Variants in SPAG5 observed in about 807,000 individuals in gnomAD.
SPAG5 encodes the protein sperm associated antigen 5.
Under a neutral mutation model 145.4 loss-of-function variants are expected in SPAG5, and 99 were observed. The ratio of observed to expected loss-of-function variants is 0.68; its 90% CI spans 0.58 to 0.80. The LOEUF is 0.80. SPAG5 is among the 30% of genes least tolerant of loss of function. The pLI is 0.00. For missense variants in SPAG5, 1,192 were observed against 1,416.0 expected (o/e 0.84, Z 2.54); for synonymous variants, 477 against 525.4 (o/e 0.91, Z 1.26).
intron 3 of SPAG5, 35 bp from the exon 4 acceptor site, chr17:28,591,907 AAGGAGGG>A: frequency 6.2e-7 from 1 of 1,610,422 alleles, no homozygotes; most frequent in Non-Finnish European, 8.5e-7. Flanking sequence ...ACGAAAAGAA[AAGGAGGG>A]GAAGGGATGG....
chr17:28,583,745 A>G, intron 14 of SPAG5, 96 bp from the exon 15 acceptor site: 1 of 1,540,616 alleles, frequency 6.5e-7, no homozygotes, highest in East Asian at 2.3e-5. Flanking sequence ...GGAGAGAAAC[A>G]AGAGGCTCAA....
In SPAG5 at chr17:28,578,696, C is replaced by G. The variant is rs767717501; in HGVS notation, c.3174G>C (p.Gln1058His). 6 of 1,614,116 alleles carry G rather than the reference C, an allele frequency of 3.7e-6. No individual in the cohort carries two copies. The highest frequency in any genetic ancestry group is 5.1e-6 in the Non-Finnish European group (6 of 1,179,956). The change falls in exon 20 of 24, where the codon CAG becomes CAC. Residue 1058 changes from glutamine (Q) to histidine (H), a missense_variant. Coordinates refer to ENST00000321765, the MANE Select transcript of SPAG5 (RefSeq NM_006461.4). ...IQQQNEKILE[Q>H]IDKSGELISL... The stretch of plus-strand genomic sequence containing the variant: ...CTATGAGCTCGCCACTCTTGTCTAT[C>G]TGTTCTAGGATCTTCTCATTCTGCT...
At position 28,598,992 on chromosome 17, in the gene SPAG5, A is replaced by C; in HGVS notation, c.-46T>G. 1 of 1,592,190 alleles carries C rather than the reference A, an allele frequency of 6.3e-7. No individual in the cohort carries two copies. The highest frequency in any genetic ancestry group is 8.6e-7 in the Non-Finnish European group (1 of 1,160,386). ...TATCACGTCTCAGACCAAGTCGAGG[A>C]CGCCATGTTCACCCGCCGTCTGTGT... On this transcript the variant is annotated 5_prime_UTR_variant, in exon 1 of 24. Coordinates refer to ENST00000321765, the MANE Select transcript of SPAG5 (RefSeq NM_006461.4).
chr17:28,588,256 G>A (rs1464923848), intron 4 of SPAG5, among the ~76,000 whole-genome samples: 1 of 152,192 alleles, frequency 6.6e-6, no homozygotes, highest in African/African-American at 2.4e-5. Context: ...GAGGCAGCCA[G>A]GCAGCAAGGA....
At chr17:28,579,918 T>C (rs1156591116) in intron 16 of SPAG5, 81 bp from the exon 17 acceptor site, 48 of 1,536,614 alleles carry the variant, frequency 3.1e-5, no homozygotes, top group South Asian at 1.3e-4. Context: ...CAGGGTAAGA[T>C]AGACAAGCCC....
At chr17:28,590,958 CTCCATTT>C (rs1394217374) in intron 4 of SPAG5, among the ~76,000 whole-genome samples, 6 of 149,570 alleles carry the variant, frequency 4.0e-5, no homozygotes, top group Non-Finnish European at 5.9e-5. Flanking sequence ...GATACAGATA[CTCCATTT>C]TCCATTTTCC....
chr17:28,589,188 T>A (rs1427012011), intron 4 of SPAG5, among the ~76,000 whole-genome samples: 2 of 151,472 alleles, frequency 1.3e-5, no homozygotes, highest in African/African-American at 4.9e-5. Context: ...AACCTCTGCC[T>A]CCCGGGTTCA....
intron 15 of SPAG5, among the ~76,000 whole-genome samples, chr17:28,581,256 G>A (rs1191551289): frequency 1.3e-5 from 2 of 152,152 alleles, no homozygotes; most frequent in Non-Finnish European, 2.9e-5. Flanking sequence ...CTTATTATAT[G>A]GCCATTTATA....
At chr17:28,584,121 G>A in intron 13 of SPAG5, 29 bp downstream of exon 13, 1 of 1,611,560 alleles carries the variant, frequency 6.2e-7, no homozygotes, top group Non-Finnish European at 8.5e-7. Flanking sequence ...AGGCTTACCA[G>A]CTCCCTTGGC....
rs372892423 is a variant in SPAG5, at chr17:28,586,503, G to A, written c.1438-4C>T. 1 of 1,611,020 alleles carries A rather than the reference G, an allele frequency of 6.2e-7. No homozygotes were observed. Among genetic ancestry groups the A allele is most frequent in the Non-Finnish European group, 8.5e-7 (1 of 1,177,208 alleles). On this transcript the variant is annotated splice_region_variant and splice_polypyrimidine_tract_variant and intron_variant, in intron 4 of 23. Transcript: ENST00000321765. ...GATGCTGAAGTTTATTAGTTATCTA[G>A]CCAGAAAAACAGAGTTGTTCCTTGT...
intron 16 of SPAG5, 29 bp downstream of exon 16, chr17:28,579,980 T>A: frequency 6.9e-6 from 11 of 1,584,734 alleles, no homozygotes; most frequent in Non-Finnish European, 8.7e-6. Context: ...GTCACAACTT[T>A]CCCACCCCCA....
intron 20 of SPAG5, 53 bp from the exon 21 acceptor site, chr17:28,578,581 T>C: frequency 6.2e-7 from 1 of 1,609,838 alleles, no homozygotes. Context: ...AGACAACATG[T>C]GGTGAACAAA....
chr17:28,580,012 C>T lies in SPAG5; in HGVS notation c.2794G>A (p.Glu932Lys). 7 of 1,612,726 alleles carry T rather than the reference C, an allele frequency of 4.3e-6. No homozygotes were observed. The highest frequency in any genetic ancestry group is 5.9e-6 in the Non-Finnish European group (7 of 1,179,088). Residue 932 changes from glutamate to lysine, a missense_variant, in exon 16 of 24, where the codon GAA becomes AAA. Glu to Lys is a moderately conservative substitution (Grantham distance 56, BLOSUM62 1). Transcript: ENST00000321765. ...LGSILTAVAD[E>K]EPESTPVPLL... is the part of the protein sequence containing the mutation. ...CCCAAATCCCAGGGCCTTTAACCTT[C>T]ATCTGCCACTGCTGTCAAGATGCTT...
chr17:28,585,204 C>T lies in SPAG5; in HGVS notation c.1965G>A (p.Trp655Ter). ...GTCGGGACCGACTCAGCAAAGCTGT[C>T]CATGTTGTATACTACCAGGGGAAGC... ...WRSMQLDYTTWTALLSRSRQL... is the reference protein window; with the variant it reads ...WRSMQLDYTT Residue 655 changes from tryptophan (W) to a stop codon, truncating the protein, a stop_gained, in exon 10 of 24, where the codon TGG becomes TGA. Coordinates refer to ENST00000321765, the MANE Select transcript of SPAG5 (RefSeq NM_006461.4). LOFTEE classifies it high-confidence loss of function. The T allele has an allele frequency of 1.2e-6, 2 of 1,614,196 alleles. No homozygotes were observed. The highest frequency in any genetic ancestry group is 1.7e-6 in the Non-Finnish European group (2 of 1,180,036).
At chr17:28,582,077 C>G (rs1308405819) in intron 15 of SPAG5, among the ~76,000 whole-genome samples, 1 of 152,198 alleles carries the variant, frequency 6.6e-6, no homozygotes, top group African/African-American at 2.4e-5. Flanking sequence ...TCACTCCATC[C>G]TCTCCTTTCT....
intron 2 of SPAG5, among the ~76,000 whole-genome samples, chr17:28,596,646 G>A (rs1404018595): frequency 6.6e-6 from 1 of 151,838 alleles, no homozygotes; most frequent in Non-Finnish European, 1.5e-5. Context: ...CCAGCCTAGG[G>A]AACAAGAGCA....
chr17:28,592,620 A>T lies in SPAG5; in HGVS notation c.624T>A (p.Asn208Lys). 1 of 1,614,154 alleles carries T rather than the reference A, an allele frequency of 6.2e-7. No individual in the cohort carries two copies. Among genetic ancestry groups the T allele is most frequent in the Non-Finnish European group, 8.5e-7 (1 of 1,180,030 alleles). ...PSHLLEESPP[N>K]PCSEQLHCSK... Reference sequence around the variant, plus strand: ...AGCAATGTAGTTGTTCAGAACAGGGATTTGGTGGAGACTCCTCTAAGAGAT... The same window carrying T: ...AGCAATGTAGTTGTTCAGAACAGGGTTTTGGTGGAGACTCCTCTAAGAGAT... The change falls in exon 3 of 24, where the codon AAT becomes AAA. Residue 208 changes from asparagine (N) to lysine (K), a missense_variant. By Grantham distance (94) the Asn-to-Lys change is moderately conservative (BLOSUM62 0). Transcript: ENST00000321765.
chr17:28,587,440 G>A (rs1320319080), intron 4 of SPAG5, among the ~76,000 whole-genome samples: 2 of 151,332 alleles, frequency 1.3e-5, no homozygotes, highest in Non-Finnish European at 2.9e-5. Flanking sequence ...CAGCTACTCC[G>A]GAGGCTGAGG....
Position 28,583,540 on chromosome 17 carries a change from G to C in SPAG5, c.2656C>G (p.Leu886Val). The C allele has an allele frequency of 6.2e-7, 1 of 1,610,392 alleles. No individual in the cohort carries two copies. Among genetic ancestry groups the C allele is most frequent in the Non-Finnish European group, 8.5e-7 (1 of 1,178,990 alleles). The part of the protein sequence containing the change: ...LLTEQLQSLT[L>V]FLQTKLKEKT... ...TCCTTTAGTTTTGTCTGTAGAAAGA[G>C]AGTCAGGCTCTGTAGTTGCTCAGTC... is the stretch of plus-strand genomic sequence containing the variant. The change falls in exon 15 of 24, where the codon CTC becomes GTC. Residue 886 changes from leucine to valine, a missense_variant. By Grantham distance (32) the Leu-to-Val change is conservative (BLOSUM62 1). Around this residue, in one of 5 missense-constraint regions of SPAG5, gnomAD observed 709 missense variants for 840.7 expected, o/e 0.84. Transcript: ENST00000321765.
Sources: allele counts gnomAD v4.1 joint callset (sites outside exome capture counted in the v4.1 genomes callset), GRCh38; gene constraint gnomAD v4.1.1; regional missense constraint gnomAD v4.1.1; transcripts MANE v1.5; gene names NCBI Gene and HGNC (gene_info 2026-07-23, HGNC 2026-07-21).